RBL1: variants seen among roughly 807,000 people sequenced by gnomAD.
The protein encoded by RBL1 is RB transcriptional corepressor like 1.
A neutral mutation model predicts 123.0 loss-of-function variants in RBL1; 82 were observed. The ratio of observed to expected loss-of-function variants is 0.67; its 90% CI spans 0.56 to 0.80. The LOEUF (loss-of-function observed/expected upper bound fraction) is 0.80. Among genes scored for constraint, RBL1 ranks in the 30% least tolerant of loss-of-function variants. The pLI, the probability that RBL1 is intolerant of heterozygous loss-of-function variation, is 0.00. For missense variants in RBL1, 1,171 were observed against 1,299.6 expected (o/e 0.90, Z 1.52); for synonymous variants, 405 against 441.3 (o/e 0.92, Z 1.03).
intron 18 of RBL1, 84 bp downstream of exon 18, chr20:37,020,575 T>C: frequency 1.1e-6 from 1 of 942,370 alleles, no homozygotes; most frequent in South Asian, 1.6e-5. Context: ...ATTAAAACTA[T>C]AAAATAAGTT....
intron 2 of RBL1, among the ~76,000 whole-genome samples, chr20:37,077,022 C>T (rs746472926): frequency 1.3e-5 from 2 of 151,692 alleles, no homozygotes; most frequent in African/African-American, 2.4e-5. Flanking sequence ...CTGCAATCTC[C>T]GCCTTCCGGG....
intron 7 of RBL1, among the ~76,000 whole-genome samples, chr20:37,063,142 G>A (rs6031084): frequency 0.16 from 24,790 of 152,060 alleles, 2,472 homozygotes; most frequent in East Asian, 0.48. Flanking sequence ...CAGTGGCCCA[G>A]TCTTGGCACA....
Position 37,040,199 on chromosome 20 carries a change from G to A in RBL1, c.1857C>T (p.His619=), listed in dbSNP as rs1600512695. The change falls in exon 14 of 22, where the codon CAC becomes CAT. Residue 619 remains histidine (H), a synonymous_variant. Coordinates refer to ENST00000373664, the MANE Select transcript of RBL1 (RefSeq NM_002895.5). The part of the protein sequence containing the change: ...LPLMPMSPLM[H]PRVKEVRTDS... ...CAGTTCGAACTTCCTTGACTCTTGG[G>A]TGCATTAGAGGAGACATTGGCATCA... The A allele has an allele frequency of 6.2e-7, 1 of 1,613,864 alleles. No homozygotes were observed. Among genetic ancestry groups the A allele is most frequent in the Non-Finnish European group, 8.5e-7 (1 of 1,179,954 alleles).
chr20:37,001,242 C>A (rs1404452783), intron 21 of RBL1, among the ~76,000 whole-genome samples: 2 of 151,954 alleles, frequency 1.3e-5, no homozygotes, highest in Non-Finnish European at 2.9e-5. Context: ...GCCCGGCCAC[C>A]ACCCCGTCTG....
rs760983586 is a variant in RBL1, at chr20:37,035,520, T to G, written c.1904-12A>C. On this transcript the variant is annotated splice_polypyrimidine_tract_variant and intron_variant, in intron 14 of 21. Coordinates refer to ENST00000373664, the MANE Select transcript of RBL1 (RefSeq NM_002895.5). ...CAATGGTTGCATATCTAAAAAAAAA[T>G]AATAAATTTAAAACAGAAATGTATT... 6.6e-7 allele frequency: 1 copy of G among 1,521,054 alleles called. No homozygotes were observed. Among genetic ancestry groups the G allele is most frequent in the Admixed American group, 2.2e-5 (1 of 44,686 alleles). 94.2% of individuals were successfully genotyped at this position (1,521,054 alleles called of 1,614,324 possible).
chr20:37,067,978 G>C lies in RBL1; in HGVS notation c.491+8C>G. On this transcript the variant is annotated splice_region_variant and intron_variant, in intron 3 of 21. Coordinates refer to ENST00000373664, the MANE Select transcript of RBL1 (RefSeq NM_002895.5). ...TTTATGTCAATTATATAAGGATTAA[G>C]GGCTCACCTCTGCTTCCGGCTTCGT... 1 of 1,612,574 alleles carries C rather than the reference G, an allele frequency of 6.2e-7. No individual in the cohort carries two copies. Among genetic ancestry groups the C allele is most frequent in the South Asian group, 1.1e-5 (1 of 90,860 alleles).
At chr20:37,074,088 G>C (rs1751405109) in intron 2 of RBL1, among the ~76,000 whole-genome samples, 1 of 152,050 alleles carries the variant, frequency 6.6e-6, no homozygotes, top group African/African-American at 2.4e-5. Context: ...TCCAGCCTGG[G>C]CAACAGAGCG....
Position 37,043,147 on chromosome 20 carries a change from C to T in RBL1, c.1770+939G>A, listed in dbSNP as rs113380045. 4.6e-3 allele frequency among the ~76,000 whole-genome samples: 614 copies of T among 134,518 alleles called. 8 individuals carry two copies. The highest frequency in any genetic ancestry group is 0.018 in the African/African-American group (590 of 33,532). 88.2% of individuals were successfully genotyped at this position (134,518 alleles called of 152,430 possible). On this transcript the variant is annotated intron_variant, in intron 13 of 21. Coordinates refer to ENST00000373664, the MANE Select transcript of RBL1 (RefSeq NM_002895.5). ...AACATGGCAAGATCCTGTCTCTACACACACATGCGCGCGTGCACACACACA... is the reference window on the plus strand; with the variant it reads ...AACATGGCAAGATCCTGTCTCTACATACACATGCGCGCGTGCACACACACA...
intron 19 of RBL1, among the ~76,000 whole-genome samples, chr20:37,013,183 G>A (rs978629730): frequency 3.9e-5 from 6 of 152,356 alleles, no homozygotes; most frequent in Admixed American, 3.9e-4. Context: ...GAAATCGGAT[G>A]GTTGCCGTGT....
At position 37,095,970 on chromosome 20, in the gene RBL1, C is replaced by G. The variant is rs995594510; in HGVS notation, c.-42G>C. On this transcript the variant is annotated 5_prime_UTR_variant, in exon 1 of 22. Transcript: ENST00000373664. The stretch of plus-strand genomic sequence containing the variant: ...GGCTGCGCGCCACGGCCCCCGACTT[C>G]TTTCTCCCTCCCAGGCGCGCTACCC... 32 of 1,436,596 alleles carry G rather than the reference C, an allele frequency of 2.2e-5. No homozygotes were observed. Among genetic ancestry groups the G allele is most frequent in the Non-Finnish European group, 2.7e-5 (29 of 1,081,940 alleles). The allele number at this position is 1,436,596 out of a possible 1,614,324, so 89.0% of individuals were successfully genotyped here.
chr20:37,006,758 T>G (rs1440478088), intron 20 of RBL1, among the ~76,000 whole-genome samples: 2 of 147,074 alleles, frequency 1.4e-5, no homozygotes, highest in African/African-American at 5.0e-5. Context: ...GAGAATCACT[T>G]GAGCCCGGGA....
intron 1 of RBL1, among the ~76,000 whole-genome samples, chr20:37,092,104 G>A (rs373544990): frequency 1.3e-5 from 2 of 152,032 alleles, no homozygotes; most frequent in Non-Finnish European, 2.9e-5. Flanking sequence ...TTAGCAGGAC[G>A]TGGTGGTATG....
In RBL1 at chr20:37,047,082, G is replaced by C; in HGVS notation, c.1576C>G (p.Leu526Val). ...TAAAAGTAAAATGGTTGCAAGTTGA[G>C]AACTTCAATAATCCAAGGAAAAGTA... ...PRTFPWIIEV[L>V]NLQPFYFYKV... The change falls in exon 12 of 22, where the codon CTC becomes GTC. Residue 526 changes from leucine to valine, a missense_variant. Transcript: ENST00000373664. 6.3e-7 allele frequency: 1 copy of C among 1,591,050 alleles called. No homozygotes were observed. The highest frequency in any genetic ancestry group is 8.5e-7 in the Non-Finnish European group (1 of 1,175,022).
chr20:37,037,571 C>CTT (rs375163790), intron 14 of RBL1, among the ~76,000 whole-genome samples: 3 of 151,648 alleles, frequency 2.0e-5, no homozygotes, highest in African/African-American at 7.3e-5. Context: ...AAAGAAGAGC[C>CTT]TTTTTTTTAA....
chr20:37,076,936 AT>A (rs547969796), intron 2 of RBL1, among the ~76,000 whole-genome samples: 27,440 of 134,888 alleles, frequency 0.2, 2,165 homozygotes, highest in Middle Eastern at 0.31. Context: ...TTGCTTTATC[AT>A]TTTTTTTTTT....
chr20:37,095,982 C>G lies in RBL1; in HGVS notation c.-54G>C. On this transcript the variant is annotated 5_prime_UTR_variant, in exon 1 of 22. Transcript: ENST00000373664. ...CGGCCCCCGACTTCTTTCTCCCTCC[C>G]AGGCGCGCTACCCACAACCACCTGC... 1 of 1,391,812 alleles carries G rather than the reference C, an allele frequency of 7.2e-7. No individual in the cohort carries two copies. The highest frequency in any genetic ancestry group is 9.5e-7 in the Non-Finnish European group (1 of 1,050,900). The allele number at this position is 1,391,812 out of a possible 1,614,324, so 86.2% of individuals were successfully genotyped here.
chr20:37,061,398 C>A, intron 8 of RBL1, 129 bp from the exon 9 acceptor site: 1 of 1,276,572 alleles, frequency 7.8e-7, no homozygotes. Flanking sequence ...CAATACTATG[C>A]TAATAACATC....
At chr20:37,054,647 T>G (rs1329236257) in intron 11 of RBL1, among the ~76,000 whole-genome samples, 1 of 151,380 alleles carries the variant, frequency 6.6e-6, no homozygotes, top group African/African-American at 2.4e-5. Context: ...CTGGCTAACA[T>G]GGTGAAACCC....
At chr20:37,063,483 T>C (rs1180342116) in intron 7 of RBL1, among the ~76,000 whole-genome samples, 1 of 151,826 alleles carries the variant, frequency 6.6e-6, no homozygotes, top group East Asian at 1.9e-4. Context: ...ATCCCATCTC[T>C]AAAAAAATAA....
Sources: gnomAD v4.1 joint callset for allele counts (sites outside exome capture counted in the v4.1 genomes callset) on GRCh38, gnomAD v4.1.1 for gene constraint, MANE v1.5 for transcripts, NCBI Gene and HGNC (gene_info 2026-07-23, HGNC 2026-07-21) for gene names.